Variants in PARD3 observed in about 807,000 individuals in gnomAD.
The protein encoded by PARD3 is par-3 family cell polarity regulator.
A neutral mutation model predicts 155.4 loss-of-function variants in PARD3; 75 were observed. That is an observed-to-expected ratio of 0.48 (90% confidence interval 0.40 to 0.58). PARD3 has a LOEUF of 0.58. PARD3 is among the 20% of genes least tolerant of loss of function. The pLI is 0.00. For missense variants in PARD3, 1,642 were observed against 1,721.7 expected, an observed-to-expected ratio of 0.95 and a Z score of 0.82; for synonymous variants, 576 against 610.5, an observed-to-expected ratio of 0.94 and a Z score of 0.83.
intron 1 of PARD3, among the ~76,000 whole-genome samples, chr10:34,786,249 C>A (rs1840946211): frequency 6.6e-6 from 1 of 152,226 alleles, no homozygotes; most frequent in South Asian, 2.1e-4. Flanking sequence ...GATGAGCCCA[C>A]TCAATGTCCC....
chr10:34,382,625 T>G lies in PARD3; in HGVS notation c.1314A>C (p.Ala438=). The G allele has an allele frequency of 1.2e-6, 2 of 1,614,114 alleles. No homozygotes were observed. Among genetic ancestry groups the G allele is most frequent in the Non-Finnish European group, 1.7e-6 (2 of 1,180,034 alleles). Residue 438 remains alanine (A), a synonymous_variant, in exon 9 of 25, where the codon GCA becomes GCC. Transcript: ENST00000374788. ...CAGTCGTACTAAATACATTCTGAGG[T>G]GCCGAGGCTGGAGCGGATGGTGGTT... ...SGKPPSAPAS[A]PQNVFSTTVS... is the part of the protein sequence containing the mutation.
chr10:34,431,466 T>C (rs1042897133), intron 5 of PARD3, among the ~76,000 whole-genome samples: 2 of 152,070 alleles, frequency 1.3e-5, no homozygotes, highest in Non-Finnish European at 2.9e-5. Context: ...TCAGGCTGGG[T>C]GCAAGGGGCT....
intron 22 of PARD3, among the ~76,000 whole-genome samples, chr10:34,248,814 T>C (rs1169244347): frequency 2.6e-5 from 4 of 152,324 alleles, no homozygotes; most frequent in African/African-American, 4.8e-5. Context: ...TTAAAATTCA[T>C]ACTCACACAA....
intron 2 of PARD3, among the ~76,000 whole-genome samples, chr10:34,641,257 C>G (rs2092670675): frequency 6.6e-6 from 1 of 152,096 alleles, no homozygotes; most frequent in African/African-American, 2.4e-5. Flanking sequence ...CCCAAGGAGG[C>G]CAACAAGGAA....
chr10:34,190,747 G>A (rs546336905), intron 22 of PARD3, among the ~76,000 whole-genome samples: 11 of 152,304 alleles, frequency 7.2e-5, no homozygotes, highest in Admixed American at 7.2e-4. Context: ...AAAAGAGAGC[G>A]TGACAAATTC....
intron 16 of PARD3, among the ~76,000 whole-genome samples, chr10:34,340,644 T>A (rs1013871443): frequency 9.8e-5 from 15 of 152,286 alleles, no homozygotes; most frequent in African/African-American, 3.6e-4. Context: ...ATAAATGAAC[T>A]GTATTTTGTG....
At chr10:34,184,233 G>C (rs1181213353) in intron 22 of PARD3, among the ~76,000 whole-genome samples, 1 of 152,204 alleles carries the variant, frequency 6.6e-6, no homozygotes, top group East Asian at 1.9e-4. Context: ...GAGAGGAACT[G>C]AATTGTTAGT....
At chr10:34,289,047 A>G (rs1481805574) in intron 20 of PARD3, among the ~76,000 whole-genome samples, 1 of 151,976 alleles carries the variant, frequency 6.6e-6, no homozygotes, top group Non-Finnish European at 1.5e-5. Flanking sequence ...GCTCACTGCA[A>G]CCTCCTGGGC....
chr10:34,500,118 C>G (rs745469314), intron 3 of PARD3, among the ~76,000 whole-genome samples: 7 of 152,096 alleles, frequency 4.6e-5, no homozygotes, highest in Non-Finnish European at 8.8e-5. Flanking sequence ...TTGCTGAATG[C>G]AAAGCATCAA....
chr10:34,589,340 C>T lies in PARD3; in HGVS notation c.223-72181G>A, dbSNP rs527576879. On this transcript the variant is annotated intron_variant, in intron 2 of 24. Coordinates refer to ENST00000374788, the MANE Select transcript of PARD3 (RefSeq NM_001184785.2). The stretch of plus-strand genomic sequence containing the variant: ...CACGTTGAAGTCCTAACACCCAGTA[C>T]CTCAGAATATGACTGTATTTGGAAA... Among the ~76,000 whole-genome samples the T allele has an allele frequency of 5.9e-5, 9 of 152,194 alleles. No individual in the cohort carries two copies. The East Asian group carries it at 1.7e-3, about 29-fold the overall frequency.
chr10:34,686,921 C>T (rs766473216), intron 2 of PARD3, among the ~76,000 whole-genome samples: 14 of 151,730 alleles, frequency 9.2e-5, no homozygotes, highest in African/African-American at 1.7e-4. Flanking sequence ...TGGTGGTGAG[C>T]GCCTGTAATC....
intron 4 of PARD3, 100 bp downstream of exon 4, chr10:34,469,985 G>A (rs1451309122): frequency 8.9e-6 from 8 of 899,560 alleles, no homozygotes; most frequent in African/African-American, 1.7e-5. Flanking sequence ...TCATGAAGAT[G>A]CCCTGGAATC....
At chr10:34,714,900 G>A (rs1461150986) in intron 1 of PARD3, among the ~76,000 whole-genome samples, 3 of 148,402 alleles carry the variant, frequency 2.0e-5, no homozygotes, top group Non-Finnish European at 3.0e-5. Context: ...TCAGCCTCCC[G>A]AATAGCTGGG....
intron 4 of PARD3, among the ~76,000 whole-genome samples, chr10:34,464,482 C>T (rs943427098): frequency 2.0e-5 from 3 of 152,110 alleles, no homozygotes; most frequent in Non-Finnish European, 2.9e-5. Flanking sequence ...ATGTTCATCT[C>T]CTTACCAAAT....
Position 34,587,109 on chromosome 10 carries a change from T to C in PARD3, c.223-69950A>G, listed in dbSNP as rs146538189. The stretch of plus-strand genomic sequence containing the variant: ...AAAATATAAGCCACTGAGGCTAATG[T>C]TTATTTTTTTTATTGTGTTTTTTTG... On this transcript the variant is annotated intron_variant, in intron 2 of 24. Transcript: ENST00000374788. Among the ~76,000 whole-genome samples, 366 of 152,096 alleles carry C rather than the reference T, an allele frequency of 2.4e-3. 1 individual carries two copies. Among genetic ancestry groups the C allele is most frequent in the African/African-American group, 8.0e-3 (334 of 41,508 alleles).
At chr10:34,741,274 TC>T (rs2095012695) in intron 1 of PARD3, among the ~76,000 whole-genome samples, 1 of 149,322 alleles carries the variant, frequency 6.7e-6, no homozygotes, top group Non-Finnish European at 1.5e-5. Context: ...AGCTTCAACT[TC>T]CTGGGCTCAA....
At chr10:34,760,277 C>A (rs1212232878) in intron 1 of PARD3, among the ~76,000 whole-genome samples, 1 of 152,120 alleles carries the variant, frequency 6.6e-6, no homozygotes, top group Non-Finnish European at 1.5e-5. Flanking sequence ...CCACCTTGGC[C>A]TCCAAAAGTG....
At chr10:34,223,812 A>G (rs1952442728) in intron 22 of PARD3, among the ~76,000 whole-genome samples, 2 of 152,232 alleles carry the variant, frequency 1.3e-5, no homozygotes, top group Non-Finnish European at 2.9e-5. Flanking sequence ...TCTGTGAGAC[A>G]GGTGTGAACA....
chr10:34,299,612 T>C (rs911621605), intron 20 of PARD3, among the ~76,000 whole-genome samples: 5 of 152,190 alleles, frequency 3.3e-5, no homozygotes, highest in Non-Finnish European at 7.4e-5. Flanking sequence ...TTCTGTCAGA[T>C]AGACAGGAGT....
Sources: allele counts gnomAD v4.1 joint callset (sites outside exome capture counted in the v4.1 genomes callset), GRCh38; gene constraint gnomAD v4.1.1; transcripts MANE v1.5; gene names NCBI Gene and HGNC (gene_info 2026-07-23, HGNC 2026-07-21).